PRDM1: variants seen among roughly 807,000 people sequenced by gnomAD.
PRDM1 encodes PR domain zinc finger protein 1.
Under a neutral mutation model 62.8 loss-of-function variants are expected in PRDM1, and 13 were observed. The ratio of observed to expected loss-of-function variants is 0.21; its 90% confidence interval spans 0.13 to 0.33. The LOEUF (loss-of-function observed/expected upper bound fraction) is 0.33. PRDM1 is among the 10% of genes least tolerant of loss of function. PRDM1 has a pLI of 1.00. For synonymous variants in PRDM1, 396 were observed against 417.6 expected, an observed-to-expected ratio of 0.95 and a Z score of 0.63; for missense variants, 895 against 1,058.8, an observed-to-expected ratio of 0.85 and a Z score of 2.15.
At chr6:106,098,817 T>G in intron 3 of PRDM1, 1 of 1,520,950 alleles carries the variant, frequency 6.6e-7, no homozygotes, top group South Asian at 1.2e-5. Flanking sequence ...TGGGCGGGGG[T>G]GTAGGAAACG....
intron 1 of PRDM1, among the ~76,000 whole-genome samples, chr6:106,061,811 C>G (rs1277725962): frequency 6.6e-6 from 1 of 152,214 alleles, no homozygotes; most frequent in East Asian, 1.9e-4. Flanking sequence ...AAATTCAGCT[C>G]TGGCCCATCC....
At chr6:106,079,404 A>G (rs1256569154) in intron 1 of PRDM1, among the ~76,000 whole-genome samples, 1 of 152,268 alleles carries the variant, frequency 6.6e-6, no homozygotes, top group Non-Finnish European at 1.5e-5. Flanking sequence ...CATCTATCCC[A>G]ACCCCACCCA....
At chr6:105,993,034 C>G (rs543230731), upstream of PRDM1, among the ~76,000 whole-genome samples, 2 of 152,126 alleles carry the variant, frequency 1.3e-5, no homozygotes, top group South Asian at 4.1e-4. Flanking sequence ...CTAAGGAGTC[C>G]CGCTGTCGCC....
chr6:105,995,366 G>T (rs2114537099), intron 1 of PRDM1, among the ~76,000 whole-genome samples: 1 of 152,254 alleles, frequency 6.6e-6, no homozygotes, highest in South Asian at 2.1e-4. Flanking sequence ...TCTAGGAAAA[G>T]TGTTTTTTAA....
At position 106,090,594 on chromosome 6, in the gene PRDM1, T is replaced by C. The variant is rs1014028593; in HGVS notation, c.291+2145T>C. On this transcript the variant is annotated intron_variant, in intron 2 of 6. Transcript: ENST00000369096. ...GAAAGAGGATGGTGGAGTTGAGCCATTAAGGGTAGGATAGCTGCAAACTAG... is the reference window on the plus strand; with the variant it reads ...GAAAGAGGATGGTGGAGTTGAGCCACTAAGGGTAGGATAGCTGCAAACTAG... Among the ~76,000 whole-genome samples the C allele has an allele frequency of 2.0e-5, 3 of 152,220 alleles. 1 individual carries two copies. The South Asian group carries it at 6.2e-4, about 32-fold the overall frequency.
intron 1 of PRDM1, among the ~76,000 whole-genome samples, chr6:106,059,490 A>C (rs773795374): frequency 7.9e-5 from 12 of 152,240 alleles, no homozygotes; most frequent in Non-Finnish European, 1.6e-4. Flanking sequence ...ATGAGACCCA[A>C]GAGATAGGTA....
chr6:106,006,038 C>T (rs116532958), intron 1 of PRDM1, among the ~76,000 whole-genome samples: 70 of 152,298 alleles, frequency 4.6e-4, no homozygotes, highest in Middle Eastern at 3.4e-3. Flanking sequence ...TTCAAAACAA[C>T]GATAGTCCTC....
chr6:106,017,313 T>G (rs1772634102), intron 1 of PRDM1, among the ~76,000 whole-genome samples: 1 of 152,264 alleles, frequency 6.6e-6, no homozygotes. Flanking sequence ...GAATTAGTTT[T>G]AAGTTAAAAC....
intron 1 of PRDM1, among the ~76,000 whole-genome samples, chr6:105,999,857 T>C (rs181266419): frequency 3.3e-5 from 5 of 152,272 alleles, no homozygotes; most frequent in Admixed American, 2.0e-4. Context: ...TTTATCTATG[T>C]GTTTCTTTTT....
At chr6:106,096,691 C>A (rs572243890) in intron 3 of PRDM1, among the ~76,000 whole-genome samples, 5 of 152,124 alleles carry the variant, frequency 3.3e-5, no homozygotes, top group Non-Finnish European at 5.9e-5. Flanking sequence ...ATTTCCTTTG[C>A]TATATTAGGG....
intron 1 of PRDM1, chr6:106,087,606 TG>T (rs1485314155): frequency 4.3e-6 from 1 of 232,494 alleles, no homozygotes; most frequent in Non-Finnish European, 8.5e-6. Context: ...TGTGAGAGGA[TG>T]AAAGAGAGCT....
At chr6:106,002,490 G>T (rs748290073) in intron 1 of PRDM1, among the ~76,000 whole-genome samples, 33 of 151,978 alleles carry the variant, frequency 2.2e-4, no homozygotes, top group Non-Finnish European at 3.5e-4. Context: ...AATTTATTTT[G>T]GATTCTTTCG....
At chr6:106,090,671 CAGTT>C (rs1301967746) in intron 2 of PRDM1, among the ~76,000 whole-genome samples, 1 of 152,174 alleles carries the variant, frequency 6.6e-6, no homozygotes, top group Non-Finnish European at 1.5e-5. Context: ...TATCTTTATT[CAGTT>C]AGTTCTTTAA....
intron 1 of PRDM1, among the ~76,000 whole-genome samples, chr6:106,067,602 G>A (rs74380504): frequency 0.011 from 1,644 of 152,280 alleles, 26 homozygotes; most frequent in Non-Finnish European, 0.011. Context: ...ATTGTGCTAA[G>A]TAAAATAAGC....
chr6:106,038,014 C>CTTTTTTTTTTTTTTATTTTTTTTT (rs1772945434), intron 1 of PRDM1, among the ~76,000 whole-genome samples: 1 of 47,800 alleles, frequency 2.1e-5, no homozygotes, highest in East Asian at 9.0e-4. Flanking sequence ...CTATTTTTGT[C>CTTTTTTTTTTTTTTATTTTTTTTT]TTTTTTTTTT....
At chr6:106,086,215 T>A (rs987595745), upstream of PRDM1, 1 of 358,944 alleles carries the variant, frequency 2.8e-6, no homozygotes, top group African/African-American at 2.1e-5. Flanking sequence ...GCGGCTGTGC[T>A]AGCAATCTGG....
chr6:106,013,431 G>A (rs371729936), intron 1 of PRDM1, among the ~76,000 whole-genome samples: 1 of 150,844 alleles, frequency 6.6e-6, no homozygotes, highest in Non-Finnish European at 1.5e-5. Context: ...GGGTTCAAGC[G>A]ATTCTCATGC....
intron 1 of PRDM1, among the ~76,000 whole-genome samples, chr6:106,037,544 C>T (rs191217591): frequency 6.6e-6 from 1 of 152,166 alleles, no homozygotes; most frequent in Admixed American, 6.6e-5. Flanking sequence ...ACTTTCCTTC[C>T]ATCTTTTTTC....
intron 1 of PRDM1, among the ~76,000 whole-genome samples, chr6:106,068,815 C>T (rs1773471434): frequency 6.6e-6 from 1 of 152,210 alleles, no homozygotes; most frequent in African/African-American, 2.4e-5. Context: ...GTTACCCTCC[C>T]TAATTTGTTG....
Sources: allele counts gnomAD v4.1 joint callset (sites outside exome capture counted in the v4.1 genomes callset), GRCh38; gene constraint gnomAD v4.1.1; transcripts MANE v1.5; gene names NCBI Gene and HGNC (gene_info 2026-07-23, HGNC 2026-07-21).